RBM4B: variants seen among roughly 807,000 people sequenced by gnomAD.
The protein encoded by RBM4B is RNA-binding protein 4B.
A neutral mutation model predicts 28.5 loss-of-function variants in RBM4B; 13 were observed. That is an observed-to-expected ratio of 0.46 (90% CI 0.30 to 0.72). The LOEUF is 0.72. Ranked by LOEUF, RBM4B falls within the 30% of genes least tolerant of loss-of-function variation. The probability of loss-of-function intolerance (pLI) is 0.09; values close to 1 mark genes in which losing one functional copy is unlikely to be tolerated. For synonymous variants in RBM4B, 167 were observed against 179.1 expected (o/e 0.93, Z 0.54); for missense variants, 387 against 477.6 (o/e 0.81, Z 1.77).
chr11:66,665,669 C>G, intron 3 of RBM4B, 91 bp from the exon 4 acceptor site: 1 of 1,514,688 alleles, frequency 6.6e-7, no homozygotes, highest in East Asian at 2.5e-5. Flanking sequence ...TCCTGTATTC[C>G]GGGGGGAAAA....
At chr11:66,670,737 G>A (rs983094084) in intron 2 of RBM4B, among the ~76,000 whole-genome samples, 1 of 152,030 alleles carries the variant, frequency 6.6e-6, no homozygotes, top group East Asian at 1.9e-4. Flanking sequence ...GAACCTGGGA[G>A]GTGGAGGTTG....
chr11:66,666,515 A>G (rs1939234670), intron 3 of RBM4B: 2 of 909,580 alleles, frequency 2.2e-6, no homozygotes, highest in African/African-American at 3.6e-5. Flanking sequence ...GTTTCTTTAA[A>G]AGTCATCGCT....
chr11:66,671,260 C>T (rs1172935860), intron 2 of RBM4B, among the ~76,000 whole-genome samples: 1 of 152,192 alleles, frequency 6.6e-6, no homozygotes, highest in Non-Finnish European at 1.5e-5. Flanking sequence ...CCATTGTTTT[C>T]AGAGATTTAA....
intron 1 of RBM4B, chr11:66,677,432 A>G: frequency 3.1e-6 from 1 of 322,196 alleles, no homozygotes; most frequent in Non-Finnish European, 5.8e-6. Flanking sequence ...TGCGCCTGGT[A>G]ACAAGGTTTT....
In RBM4B at chr11:66,673,742, T is replaced by C. The variant is rs578123340; in HGVS notation, c.412+2926A>G. Among the ~76,000 whole-genome samples the C allele has an allele frequency of 3.3e-5, 5 of 152,252 alleles. No homozygotes were observed. In the East Asian group the frequency reaches 9.6e-4, roughly 29 times the overall value. ...TTCCAGAGTGCTGGGATTACAGGAG[T>C]GAGCCACCTCACCCGGGCTCAAGTG... On this transcript the variant is annotated intron_variant, in intron 2 of 3. Transcript: ENST00000310046.
Position 66,668,867 on chromosome 11 carries a change from A to C in RBM4B, c.837T>G (p.Ser279=). The C allele has an allele frequency of 6.2e-7, 1 of 1,614,194 alleles. No homozygotes were observed. Among genetic ancestry groups the C allele is most frequent in the Non-Finnish European group, 8.5e-7 (1 of 1,180,032 alleles). ...TAGCAGCTGAAGTGGCAGCAGCGCC[A>C]GAGTTTGGCAATAGGTGTCTGTCAT... ...DPYDRHLLPN[S]GAAATSAAMA... Residue 279 remains serine (S), a synonymous_variant, in exon 3 of 4, where the codon TCT becomes TCG. Transcript: ENST00000310046.
At position 66,668,873 on chromosome 11, in the gene RBM4B, T is replaced by C; in HGVS notation, c.831A>G (p.Pro277=). ...SVDPYDRHLL[P]NSGAAATSAA... ...CTGAAGTGGCAGCAGCGCCAGAGTT[T>C]GGCAATAGGTGTCTGTCATAGGGAT... is the stretch of plus-strand genomic sequence containing the variant. Residue 277 remains proline (P), a synonymous_variant, in exon 3 of 4, where the codon CCA becomes CCG. Coordinates refer to ENST00000310046, the MANE Select transcript of RBM4B (RefSeq NM_031492.4). The C allele has an allele frequency of 1.9e-6, 3 of 1,614,170 alleles. No homozygotes were observed. The highest frequency in any genetic ancestry group is 2.5e-6 in the Non-Finnish European group (3 of 1,180,012).
chr11:66,670,835 G>T (rs1394904235), intron 2 of RBM4B: 1 of 665,618 alleles, frequency 1.5e-6, no homozygotes, highest in Non-Finnish European at 2.7e-6. Context: ...GGAAAACGCA[G>T]TCAGTACAGA....
intron 2 of RBM4B, 82 bp downstream of exon 2, chr11:66,676,586 A>G (rs1939642902): frequency 6.8e-7 from 1 of 1,474,544 alleles, no homozygotes; most frequent in African/African-American, 1.4e-5. Context: ...GAGACCACCC[A>G]GCAAGTTCTA....
In RBM4B at chr11:66,665,369, TATA is replaced by T; in HGVS notation, c.*216_*218del. The T allele has an allele frequency of 1.7e-6, 1 of 597,770 alleles. No individual in the cohort carries two copies. The highest frequency in any genetic ancestry group is 3.0e-6 in the Non-Finnish European group (1 of 337,814). The allele number at this position is 597,770 out of a possible 1,614,324, so 37.0% of individuals were successfully genotyped here. A position where few individuals can be genotyped will look rare whatever the true frequency, so the allele number is the denominator to read the frequency against. On this transcript the variant is annotated 3_prime_UTR_variant, in exon 4 of 4. Coordinates refer to ENST00000310046, the MANE Select transcript of RBM4B (RefSeq NM_031492.4). ...CCTAGGGCTGCTCAGAGGCTGAGAA[TATA>T]AGGAACAGAGTGAAAGGCTACAGAG...
Position 66,669,061 on chromosome 11 carries a change from A to G in RBM4B, c.643T>C (p.Tyr215His), listed in dbSNP as rs372105336. Reference sequence around the variant, plus strand: ...CGCTTATAGTAGTCGAGTGCTCCATATGCATCGTTGTAATACATGGATTCC... The same window carrying G: ...CGCTTATAGTAGTCGAGTGCTCCATGTGCATCGTTGTAATACATGGATTCC... ...YGESMYYNDA[Y>H]GALDYYKRYR... Residue 215 changes from tyrosine to histidine, a missense_variant, in exon 3 of 4, where the codon TAT becomes CAT. By Grantham distance (83) the Tyr-to-His change is moderately conservative. Around this residue, in one of 2 missense-constraint regions of RBM4B, gnomAD observed 226 missense variants for 220.6 expected, o/e 1.02. Transcript: ENST00000310046. The G allele has an allele frequency of 8.1e-6, 13 of 1,614,004 alleles. No homozygotes were observed. Among genetic ancestry groups the G allele is most frequent in the African/African-American group, 5.3e-5 (4 of 74,902 alleles).
chr11:66,669,176 T>A lies in RBM4B; in HGVS notation c.528A>T (p.Pro176=). The change falls in exon 3 of 4, where the codon CCA becomes CCT. Residue 176 remains proline (P), a synonymous_variant. Coordinates refer to ENST00000310046, the MANE Select transcript of RBM4B (RefSeq NM_031492.4). ...GKEGHWSKEC[P]VDRTGRVADF... ...CTGCCACACGACCCGTACGATCTAC[T>A]GGGCACTCTTTGGACCAGTGCCCTT... 1 of 1,614,182 alleles carries A rather than the reference T, an allele frequency of 6.2e-7. No individual in the cohort carries two copies. Among genetic ancestry groups the A allele is most frequent in the Non-Finnish European group, 8.5e-7 (1 of 1,180,020 alleles).
rs769609249 is a variant in RBM4B at position 66,677,094 on chromosome 11, G to A, written c.-12-3C>T. On this transcript the variant is annotated splice_polypyrimidine_tract_variant and splice_region_variant and intron_variant, in intron 1 of 3. Coordinates refer to ENST00000310046, the MANE Select transcript of RBM4B (RefSeq NM_031492.4). The stretch of plus-strand genomic sequence containing the variant: ...AGCTTCACCATCCTGACAAGAGCCT[G>A]GGAGAGAAACACAAGACTTCAAAAG... The A allele has an allele frequency of 6.2e-7, 1 of 1,609,388 alleles. No homozygotes were observed. Among genetic ancestry groups the A allele is most frequent in the African/African-American group, 1.3e-5 (1 of 74,778 alleles).
At chr11:66,677,227 T>A in intron 1 of RBM4B, 136 bp from the exon 2 acceptor site, 2 of 1,128,528 alleles carry the variant, frequency 1.8e-6, no homozygotes, top group Non-Finnish European at 2.5e-6. Context: ...TCTTCCTCAA[T>A]AGAAGAAGGG....
chr11:66,671,819 C>T (rs916622944), intron 2 of RBM4B, among the ~76,000 whole-genome samples: 9 of 152,178 alleles, frequency 5.9e-5, no homozygotes, highest in Non-Finnish European at 1.3e-4. Context: ...CGGCTCACTG[C>T]AACCTCCACC....
At chr11:66,666,771 A>T (rs1364381782) in intron 3 of RBM4B, 1 of 152,226 alleles carries the variant, frequency 6.6e-6, no homozygotes, top group African/African-American at 2.4e-5. Context: ...CTTCACACAT[A>T]AACACAGACT....
In RBM4B at chr11:66,665,533, C is replaced by T. The variant is rs1939192212; in HGVS notation, c.*55G>A. ...CAAAGGGGACCGCGCGGAGCAAGTT[C>T]TCATATATGACCGCAGCCCGAGGGT... is the stretch of plus-strand genomic sequence containing the variant. On this transcript the variant is annotated 3_prime_UTR_variant, in exon 4 of 4. Transcript: ENST00000310046. 1.4e-6 allele frequency: 2 copies of T among 1,470,946 alleles called. No individual in the cohort carries two copies. Among genetic ancestry groups the T allele is most frequent in the Non-Finnish European group, 1.8e-6 (2 of 1,087,482 alleles). 91.1% of individuals were successfully genotyped at this position (1,470,946 alleles called of 1,614,324 possible).
At chr11:66,666,853 A>G (rs1285636999) in intron 3 of RBM4B, 1 of 152,186 alleles carries the variant, frequency 6.6e-6, no homozygotes, top group Non-Finnish European at 1.5e-5. Context: ...TTACAGGTTC[A>G]TAACATTTGC....
Position 66,668,877 on chromosome 11 carries a change from A to G in RBM4B, c.827T>C (p.Leu276Ser), listed in dbSNP as rs1389898191. Residue 276 changes from leucine (L) to serine (S), a missense_variant, in exon 3 of 4, where the codon TTG (leucine) becomes TCG (serine). Leu to Ser is a moderately radical substitution (Grantham distance 145). This residue lies in a region of RBM4B where 226 missense variants were observed against 220.6 expected (regional missense o/e 1.02). Coordinates refer to ENST00000310046, the MANE Select transcript of RBM4B (RefSeq NM_031492.4). ...TSVDPYDRHL[L>S]PNSGAAATSA... Reference sequence around the variant, plus strand: ...AGTGGCAGCAGCGCCAGAGTTTGGCAATAGGTGTCTGTCATAGGGATCAAC... The same window carrying G: ...AGTGGCAGCAGCGCCAGAGTTTGGCGATAGGTGTCTGTCATAGGGATCAAC... 21 of 1,614,054 alleles carry G rather than the reference A, an allele frequency of 1.3e-5. No individual in the cohort carries two copies. Among genetic ancestry groups the G allele is most frequent in the Non-Finnish European group, 1.8e-5 (21 of 1,180,046 alleles).
Sources: gnomAD v4.1 joint callset for allele counts (sites outside exome capture counted in the v4.1 genomes callset) on GRCh38, gnomAD v4.1.1 for gene constraint, gnomAD v4.1.1 regional missense constraint, MANE v1.5 for transcripts, NCBI Gene and HGNC (gene_info 2026-07-23, HGNC 2026-07-21) for gene names.